Variants in IL1RAPL2 observed in about 807,000 individuals in gnomAD.
The protein encoded by IL1RAPL2 is X-linked interleukin-1 receptor accessory protein-like 2.
In IL1RAPL2, 3 loss-of-function variants were observed where a neutral mutation model predicts 44.1. The ratio of observed to expected loss-of-function variants is 0.07; its 90% confidence interval spans 0.03 to 0.18. IL1RAPL2 has a LOEUF of 0.18. Among genes scored for constraint, IL1RAPL2 ranks in the 10% least tolerant of loss-of-function variants. IL1RAPL2 has a pLI of 1.00. For missense variants in IL1RAPL2, 391 were observed against 496.4 expected (o/e 0.79, Z 2.02); for synonymous variants, 181 against 178.8 (o/e 1.01, Z -0.10).
At chrX:105,108,760 C>G (rs994850739) in intron 2 of IL1RAPL2, among the ~76,000 whole-genome samples, 1 of 111,657 alleles carries the variant, frequency 9.0e-6, no homozygotes, top group Non-Finnish European at 1.9e-5. Context: ...GCAACATTCT[C>G]TTAACTGAAT....
chrX:104,656,325 T>A (rs1930259559), intron 1 of IL1RAPL2, among the ~76,000 whole-genome samples: 1 of 112,114 alleles, frequency 8.9e-6, no homozygotes, highest in Non-Finnish European at 1.9e-5. Flanking sequence ...GCTATAAATT[T>A]CCCTCTACAC....
intron 5 of IL1RAPL2, among the ~76,000 whole-genome samples, chrX:105,480,345 T>C (rs1439761214): frequency 8.9e-6 from 1 of 112,115 alleles, no homozygotes; most frequent in Non-Finnish European, 1.9e-5. Context: ...GGAAAGTTAG[T>C]GTCAAACATA....
At chrX:105,287,010 G>A (rs546248692) in intron 5 of IL1RAPL2, among the ~76,000 whole-genome samples, 14 of 112,123 alleles carry the variant, frequency 1.2e-4, no homozygotes, top group African/African-American at 3.6e-4. Flanking sequence ...GAATGAAGTG[G>A]TAAAGAAAAT....
chrX:105,641,849 G>A (rs1174725725), intron 6 of IL1RAPL2, among the ~76,000 whole-genome samples: 1 of 111,778 alleles, frequency 8.9e-6, no homozygotes, highest in Non-Finnish European at 1.9e-5. Flanking sequence ...TGGACATCCA[G>A]TATGTAATTG....
At chrX:105,340,514 A>T (rs968554200) in intron 5 of IL1RAPL2, among the ~76,000 whole-genome samples, 2 of 111,890 alleles carry the variant, frequency 1.8e-5, no homozygotes, top group East Asian at 2.8e-4. Context: ...TACCACTGTG[A>T]CTTCGTCTCC....
rs183534692 is a variant in IL1RAPL2, at chrX:105,445,467, G to A, written c.698-38846G>A. Among the ~76,000 whole-genome samples the A allele has an allele frequency of 2.7e-5, 3 of 110,609 alleles. No homozygotes were observed. The East Asian group carries it at 8.5e-4, about 31-fold the overall frequency. ...AGTTTGGTTTGCTCTCACTTTTGTA[G>A]TTCTTTTAGATGTATCATTGGGCTA... On this transcript the variant is annotated intron_variant, in intron 5 of 10. Coordinates refer to ENST00000372582, the MANE Select transcript of IL1RAPL2 (RefSeq NM_017416.2).
intron 6 of IL1RAPL2, among the ~76,000 whole-genome samples, chrX:105,580,846 A>G (rs1478280367): frequency 2.7e-5 from 3 of 112,197 alleles, no homozygotes; most frequent in Non-Finnish European, 5.6e-5. Context: ...AAATTTAGAA[A>G]ATCTCTTAAT....
chrX:105,285,338 T>C (rs993152069), intron 5 of IL1RAPL2, among the ~76,000 whole-genome samples: 14 of 111,818 alleles, frequency 1.3e-4, no homozygotes, highest in Admixed American at 3.8e-4. Context: ...ATGTCTTTTT[T>C]TGGAGCCCCT....
At chrX:105,195,062 C>A (rs1222752868) in intron 2 of IL1RAPL2, among the ~76,000 whole-genome samples, 1 of 110,097 alleles carries the variant, frequency 9.1e-6, no homozygotes, top group Non-Finnish European at 1.9e-5. Flanking sequence ...ATTCGAGTCA[C>A]CTAAAACCAG....
At chrX:105,031,912 T>C (rs999447218) in intron 2 of IL1RAPL2, among the ~76,000 whole-genome samples, 3 of 111,854 alleles carry the variant, frequency 2.7e-5, no homozygotes, top group African/African-American at 9.8e-5. Flanking sequence ...GAGCCTGTTA[T>C]TGGTCTCTTC....
chrX:105,596,642 A>G (rs2037212414), intron 6 of IL1RAPL2, among the ~76,000 whole-genome samples: 1 of 111,676 alleles, frequency 9.0e-6, no homozygotes, highest in Non-Finnish European at 1.9e-5. Flanking sequence ...CTGCTGCTGG[A>G]TGGAATGTTA....
chrX:104,955,086 G>A (rs1925678746), intron 2 of IL1RAPL2, among the ~76,000 whole-genome samples: 1 of 112,030 alleles, frequency 8.9e-6, no homozygotes, highest in African/African-American at 3.2e-5. Context: ...GTGTTGCCAT[G>A]GTAATGGTAA....
chrX:104,884,352 T>C (rs1923168395), intron 2 of IL1RAPL2, among the ~76,000 whole-genome samples: 1 of 111,771 alleles, frequency 8.9e-6, no homozygotes, highest in African/African-American at 3.3e-5. Context: ...TGCGGGTTCT[T>C]GGGCAAGAGG....
intron 4 of IL1RAPL2, among the ~76,000 whole-genome samples, chrX:105,249,306 C>CT (rs1284451915): frequency 2.7e-5 from 3 of 110,526 alleles, no homozygotes; most frequent in Non-Finnish European, 5.7e-5. Flanking sequence ...AATGGAACTC[C>CT]TAGACACAGA....
At chrX:104,816,714 TG>T (rs1921146774) in intron 2 of IL1RAPL2, among the ~76,000 whole-genome samples, 2 of 111,979 alleles carry the variant, frequency 1.8e-5, no homozygotes, top group South Asian at 7.5e-4. Flanking sequence ...TGGTTAAATT[TG>T]GGGGCTCTGG....
At chrX:104,609,381 T>A (rs1363666971) in intron 1 of IL1RAPL2, among the ~76,000 whole-genome samples, 1 of 112,062 alleles carries the variant, frequency 8.9e-6, no homozygotes, top group Non-Finnish European at 1.9e-5. Context: ...CTGTATATCC[T>A]GAATTTGAAT....
chrX:105,677,291 A>G (rs975912435), intron 6 of IL1RAPL2, among the ~76,000 whole-genome samples: 1 of 112,096 alleles, frequency 8.9e-6, no homozygotes, highest in Non-Finnish European at 1.9e-5. Context: ...CCCTCTTTGA[A>G]TGAAATGTAA....
chrX:104,943,785 A>G (rs766563498), intron 2 of IL1RAPL2, among the ~76,000 whole-genome samples: 1 of 111,585 alleles, frequency 9.0e-6, no homozygotes, highest in East Asian at 2.8e-4. Flanking sequence ...CTTACCTATC[A>G]TGTTCATTTT....
chrX:104,807,398 C>T (rs749899874), intron 2 of IL1RAPL2, among the ~76,000 whole-genome samples: 1 of 110,658 alleles, frequency 9.0e-6, no homozygotes, highest in South Asian at 3.9e-4. Flanking sequence ...GAGGTCTACC[C>T]CTGCAGGGCT....
Sources: gnomAD v4.1 joint callset for allele counts (sites outside exome capture counted in the v4.1 genomes callset) on GRCh38, gnomAD v4.1.1 for gene constraint, MANE v1.5 for transcripts, NCBI Gene and HGNC (gene_info 2026-07-23, HGNC 2026-07-21) for gene names.